The following FRMD5 variants were observed in gnomAD, a reference collection of about 807,000 sequenced individuals.
FRMD5 encodes FERM domain-containing protein 5.
FRMD5 carries 20 observed loss-of-function variants against 69.0 expected under a neutral mutation model. The ratio of observed to expected loss-of-function variants is 0.29; its 90% CI spans 0.20 to 0.42. The LOEUF is 0.42. Ranked by LOEUF, FRMD5 falls within the 10% of genes least tolerant of loss-of-function variation. The pLI is 1.00. For missense variants in FRMD5, 595 were observed against 708.6 expected, an observed-to-expected ratio of 0.84 and a Z score of 1.82; for synonymous variants, 271 against 260.1, an observed-to-expected ratio of 1.04 and a Z score of -0.40.
At chr15:44,195,370 C>T, upstream of FRMD5, 1 of 411,194 alleles carries the variant, frequency 2.4e-6, no homozygotes, top group South Asian at 3.1e-5. Context: ...AGTGGCAGAC[C>T]GAAAAGCCAA....
chr15:44,132,167 C>T (rs760075264), intron 1 of FRMD5, among the ~76,000 whole-genome samples: 7 of 152,132 alleles, frequency 4.6e-5, no homozygotes, highest in Non-Finnish European at 7.3e-5. Flanking sequence ...AATCTAATGC[C>T]ACCGCTGATC....
chr15:44,162,688 A>C (rs1012320990), intron 1 of FRMD5, among the ~76,000 whole-genome samples: 1 of 150,980 alleles, frequency 6.6e-6, no homozygotes, highest in Non-Finnish European at 1.5e-5. Flanking sequence ...ACCAACATGG[A>C]GAAACTCCGA....
intron 1 of FRMD5, among the ~76,000 whole-genome samples, chr15:43,939,614 G>T (rs542231117): frequency 6.6e-6 from 1 of 151,938 alleles, no homozygotes; most frequent in African/African-American, 2.4e-5. Flanking sequence ...CTGGAGTGTC[G>T]TGGCACAATC....
intron 1 of FRMD5, among the ~76,000 whole-genome samples, chr15:44,030,880 T>C (rs1195851455): frequency 1.3e-5 from 2 of 151,324 alleles, no homozygotes; most frequent in Non-Finnish European, 2.9e-5. Context: ...GGAGAGAGAA[T>C]AATGGTCTGA....
At chr15:44,116,054 G>T (rs1003896496) in intron 1 of FRMD5, among the ~76,000 whole-genome samples, 3 of 152,072 alleles carry the variant, frequency 2.0e-5, no homozygotes, top group African/African-American at 7.2e-5. Flanking sequence ...TTGATTGCCA[G>T]CCTTCCTCAA....
At chr15:43,893,580 G>C (rs1313714314) in intron 7 of FRMD5, among the ~76,000 whole-genome samples, 1 of 152,218 alleles carries the variant, frequency 6.6e-6, no homozygotes, top group Non-Finnish European at 1.5e-5. Context: ...AGTGTGTTGA[G>C]GTGACCAGAA....
At chr15:43,910,028 T>C in intron 4 of FRMD5, 49 bp from the exon 5 acceptor site, 1 of 1,089,806 alleles carries the variant, frequency 9.2e-7, no homozygotes, top group Non-Finnish European at 1.4e-6. Flanking sequence ...TTGATTGCTT[T>C]AAAGATAGAA....
At chr15:43,951,867 C>G (rs2090034762) in intron 1 of FRMD5, among the ~76,000 whole-genome samples, 1 of 152,178 alleles carries the variant, frequency 6.6e-6, no homozygotes, top group Non-Finnish European at 1.5e-5. Flanking sequence ...CAACACAAGA[C>G]AAATTCTCCC....
At chr15:43,946,437 G>A (rs1332348558) in intron 1 of FRMD5, among the ~76,000 whole-genome samples, 3 of 152,212 alleles carry the variant, frequency 2.0e-5, no homozygotes, top group Non-Finnish European at 2.9e-5. Flanking sequence ...TATGTGCCAT[G>A]TACTTTATTT....
intron 13 of FRMD5, among the ~76,000 whole-genome samples, chr15:43,878,901 A>G (rs2088439757): frequency 6.8e-6 from 1 of 146,524 alleles, no homozygotes; most frequent in African/African-American, 2.5e-5. Context: ...AAGATAATGG[A>G]TAGATAGGCA....
At chr15:43,999,454 C>G (rs1890081882) in intron 1 of FRMD5, among the ~76,000 whole-genome samples, 1 of 152,084 alleles carries the variant, frequency 6.6e-6, no homozygotes, top group Non-Finnish European at 1.5e-5. Context: ...CTAGCAAAAT[C>G]AAAACTCTAC....
Position 44,194,974 on chromosome 15 carries a change from G to A in FRMD5, c.81C>T (p.Ser27=). 2 of 1,543,112 alleles carry A rather than the reference G, an allele frequency of 1.3e-6. No individual in the cohort carries two copies. Among genetic ancestry groups the A allele is most frequent in the Non-Finnish European group, 1.7e-6 (2 of 1,148,426 alleles). The change falls in exon 1 of 14, where the codon AGC becomes AGT. Residue 27 remains serine (S), a synonymous_variant. Transcript: ENST00000417257. ...YSCTVRLLDD[S]EYTCTIQRDA... is the part of the protein sequence containing the mutation. ...TGACCTGGATGGTGCAGGTGTACTC[G>A]CTGTCGTCCAGCAGCCGCACGGTGC...
chr15:43,991,186 C>T (rs1031544569), intron 1 of FRMD5, among the ~76,000 whole-genome samples: 19 of 152,156 alleles, frequency 1.2e-4, no homozygotes, highest in African/African-American at 4.3e-4. Context: ...GTATTTTACC[C>T]GAAGCTGCCA....
At chr15:44,050,221 C>A (rs1265275774) in intron 1 of FRMD5, among the ~76,000 whole-genome samples, 1 of 152,138 alleles carries the variant, frequency 6.6e-6, no homozygotes, top group African/African-American at 2.4e-5. Context: ...TTCTTCTCAT[C>A]TTAAGCAGTG....
chr15:44,063,041 G>A (rs1381355581), intron 1 of FRMD5, among the ~76,000 whole-genome samples: 1 of 152,158 alleles, frequency 6.6e-6, no homozygotes, highest in Non-Finnish European at 1.5e-5. Flanking sequence ...CAATGACAGT[G>A]AAATCTCCAG....
chr15:43,894,618 G>A (rs551552480), intron 7 of FRMD5, among the ~76,000 whole-genome samples: 1 of 152,094 alleles, frequency 6.6e-6, no homozygotes, highest in South Asian at 2.1e-4. Context: ...GCCTGCAGGA[G>A]GCTACTGGAC....
At chr15:43,989,211 C>T (rs1889546384) in intron 1 of FRMD5, 2 of 818,244 alleles carry the variant, frequency 2.4e-6, no homozygotes, top group Non-Finnish European at 2.2e-6. Flanking sequence ...TGATCTTGAT[C>T]TTCATTGTGC....
upstream of FRMD5, among the ~76,000 whole-genome samples, chr15:44,198,598 A>C (rs1241054030): frequency 2.0e-5 from 3 of 151,946 alleles, no homozygotes; most frequent in African/African-American, 7.3e-5. Flanking sequence ...ATATAAAACC[A>C]AACTGAATTT....
chr15:44,088,541 A>G (rs1487408042), intron 1 of FRMD5, among the ~76,000 whole-genome samples: 1 of 152,138 alleles, frequency 6.6e-6, no homozygotes, highest in Non-Finnish European at 1.5e-5. Context: ...TGCACCTCTG[A>G]CAGCTATCAA....
Sources: allele counts gnomAD v4.1 joint callset (sites outside exome capture counted in the v4.1 genomes callset), GRCh38; gene constraint gnomAD v4.1.1; transcripts MANE v1.5; gene names NCBI Gene and HGNC (gene_info 2026-07-23, HGNC 2026-07-21).